Variants in PSD3 observed in about 807,000 individuals in gnomAD.
The protein encoded by PSD3 is pleckstrin and Sec7 domain containing 3.
In PSD3, 49 loss-of-function variants were observed where a neutral mutation model predicts 105.5. The observed-to-expected ratio is 0.46, with a 90% CI of 0.37 to 0.59. The LOEUF (loss-of-function observed/expected upper bound fraction) is 0.59, where lower values mean the gene tolerates loss of function less well. Ranked by LOEUF, PSD3 falls within the 20% of genes least tolerant of loss-of-function variation. PSD3 has a pLI of 0.00. For synonymous variants in PSD3, 557 were observed against 457.8 expected, an observed-to-expected ratio of 1.22 and a Z score of -2.77; for missense variants, 1,561 against 1,263.8, an observed-to-expected ratio of 1.24 and a Z score of -3.57.
intron 1 of PSD3, among the ~76,000 whole-genome samples, chr8:18,945,889 G>T (rs1049127094): frequency 6.6e-6 from 1 of 152,156 alleles, no homozygotes; most frequent in Non-Finnish European, 1.5e-5. Context: ...CAGGAGAATC[G>T]CTTGAACCCG....
At chr8:18,582,196 C>G (rs561326535) in intron 12 of PSD3, among the ~76,000 whole-genome samples, 1 of 152,214 alleles carries the variant, frequency 6.6e-6, no homozygotes, top group Non-Finnish European at 1.5e-5. Flanking sequence ...GTGAGCTTCT[C>G]GAGAGTAGTT....
intron 1 of PSD3, among the ~76,000 whole-genome samples, chr8:18,941,296 T>A (rs1313894793): frequency 6.6e-6 from 1 of 152,170 alleles, no homozygotes; most frequent in Non-Finnish European, 1.5e-5. Context: ...CTCACACAAA[T>A]GCTTCAAGTT....
chr8:18,686,924 G>C (rs2130975177), intron 9 of PSD3, among the ~76,000 whole-genome samples: 1 of 152,172 alleles, frequency 6.6e-6, no homozygotes, highest in Admixed American at 6.5e-5. Flanking sequence ...TTTCCAAAAG[G>C]ACCTTCTGTG....
At chr8:18,681,521 A>G (rs1800391086) in intron 9 of PSD3, among the ~76,000 whole-genome samples, 1 of 151,844 alleles carries the variant, frequency 6.6e-6, no homozygotes, top group African/African-American at 2.4e-5. Flanking sequence ...ACTACTAGAT[A>G]CAAGTAAGAT....
chr8:18,607,958 C>G (rs1429187884), intron 11 of PSD3, among the ~76,000 whole-genome samples: 1 of 152,148 alleles, frequency 6.6e-6, no homozygotes, highest in African/African-American at 2.4e-5. Context: ...GGAGAACTCA[C>G]TCATTATCAT....
chr8:18,946,882 G>A (rs182658283), intron 1 of PSD3, among the ~76,000 whole-genome samples: 71 of 150,916 alleles, frequency 4.7e-4, no homozygotes, highest in Admixed American at 1.8e-3. Flanking sequence ...TCCAGCCTGC[G>A]CAACAGAGCA....
intron 1 of PSD3, among the ~76,000 whole-genome samples, chr8:18,944,352 C>T (rs1331568302): frequency 3.3e-5 from 5 of 152,188 alleles, no homozygotes; most frequent in South Asian, 2.1e-4. Context: ...GGCAGATGAC[C>T]GGAGGTCAGG....
rs1371074926 is a variant in PSD3 at position 18,872,070 on chromosome 8, C to G, written c.794G>C (p.Ser265Thr). 2 of 1,614,180 alleles carry G rather than the reference C, an allele frequency of 1.2e-6. No individual in the cohort carries two copies. Among genetic ancestry groups the G allele is most frequent in the South Asian group, 1.1e-5 (1 of 91,074 alleles). ...SSAVTCHSAG[S>T]VGFLKEQRSA... ...CCTCTGCTCTTTCAAGAAACCAACACTGCCTGCAGAGTGGCAGGTCACTGC... is the reference window on the plus strand; with the variant it reads ...CCTCTGCTCTTTCAAGAAACCAACAGTGCCTGCAGAGTGGCAGGTCACTGC... The change falls in exon 3 of 16, where the codon AGT becomes ACT. Residue 265 changes from serine (S) to threonine (T), a missense_variant. Transcript: ENST00000327040.
chr8:18,661,031 T>G (rs1159024496), intron 9 of PSD3, among the ~76,000 whole-genome samples: 1 of 152,230 alleles, frequency 6.6e-6, no homozygotes, highest in Non-Finnish European at 1.5e-5. Flanking sequence ...GTGCTGTCAT[T>G]GCCAGCCCAC....
At chr8:18,987,072 C>A (rs1825538246) in intron 1 of PSD3, among the ~76,000 whole-genome samples, 1 of 152,086 alleles carries the variant, frequency 6.6e-6, no homozygotes, top group Non-Finnish European at 1.5e-5. Context: ...GGGAGGCGAA[C>A]AACATACTAT....
chr8:18,577,348 CA>C (rs1257773676), intron 12 of PSD3, among the ~76,000 whole-genome samples: 1 of 151,868 alleles, frequency 6.6e-6, no homozygotes, highest in Non-Finnish European at 1.5e-5. Context: ...GTTAATGTTC[CA>C]TAAACATACA....
chr8:18,986,407 C>T (rs1825497170), intron 1 of PSD3, among the ~76,000 whole-genome samples: 1 of 152,076 alleles, frequency 6.6e-6, no homozygotes, highest in African/African-American at 2.4e-5. Flanking sequence ...ATTCCCAGAA[C>T]ACGCTTGCAA....
chr8:18,792,742 T>C (rs913062633), intron 8 of PSD3, among the ~76,000 whole-genome samples: 1 of 152,178 alleles, frequency 6.6e-6, no homozygotes. Flanking sequence ...TGTAAACTAG[T>C]TCAACCATTG....
intron 2 of PSD3, among the ~76,000 whole-genome samples, chr8:18,914,217 CT>C: frequency 6.8e-6 from 1 of 147,246 alleles, no homozygotes; most frequent in East Asian, 2.0e-4. Flanking sequence ...AAAAAAACAC[CT>C]TTCAACAAAT....
chr8:18,677,776 C>CT lies in PSD3; in HGVS notation c.2173-22092_2173-22091insA, dbSNP rs1408162571. On this transcript the variant is annotated intron_variant, in intron 9 of 15. Coordinates refer to ENST00000327040, the MANE Select transcript of PSD3 (RefSeq NM_015310.4). ...CCTGTAATCTCAGCACTGTGGGAGG[C>CT]GAGGCGGCCAGATCACGAGGTCAGG... 2.0e-5 allele frequency among the ~76,000 whole-genome samples: 3 copies of CT among 151,968 alleles called. No individual in the cohort carries two copies. In the East Asian group the frequency reaches 5.8e-4, roughly 29 times the overall value.
chr8:18,827,074 C>G (rs1354708863), intron 4 of PSD3, among the ~76,000 whole-genome samples: 1 of 152,188 alleles, frequency 6.6e-6, no homozygotes, highest in African/African-American at 2.4e-5. Flanking sequence ...AGTTCTCTCA[C>G]TGATATCAGT....
chr8:18,899,838 G>A (rs1819390793), intron 2 of PSD3, among the ~76,000 whole-genome samples: 1 of 152,062 alleles, frequency 6.6e-6, no homozygotes, highest in African/African-American at 2.4e-5. Flanking sequence ...AGGCTCAGGG[G>A]TTAGAAATTT....
In PSD3 at chr8:19,053,520, C is replaced by T. The variant is rs185499130; in HGVS notation, c.324+30686G>A. On this transcript the variant is annotated intron_variant, in intron 1 of 1. Transcript: ENST00000521475. ...AGCCTAATCAAGAGGGAACACAGGC[C>T]GGGTGTGGTGGCTCACACCTGTAAT... 1.1e-4 allele frequency among the ~76,000 whole-genome samples: 17 copies of T among 152,124 alleles called. No individual in the cohort carries two copies. The East Asian group carries it at 1.4e-3, about 12-fold the overall frequency.
intron 12 of PSD3, among the ~76,000 whole-genome samples, chr8:18,594,365 T>C (rs1195351746): frequency 9.1e-5 from 10 of 109,618 alleles, no homozygotes; most frequent in Non-Finnish European, 1.4e-4. Flanking sequence ...TATTATATAA[T>C]ATATAAATAA....
Sources: gnomAD v4.1 joint callset for allele counts (sites outside exome capture counted in the v4.1 genomes callset) on GRCh38, gnomAD v4.1.1 for gene constraint, MANE v1.5 for transcripts, NCBI Gene and HGNC (gene_info 2026-07-23, HGNC 2026-07-21) for gene names.